Variants in DOCK4 observed in about 807,000 individuals in gnomAD.
The protein encoded by DOCK4 is dedicator of cytokinesis protein 4.
In DOCK4, 97 loss-of-function variants were observed where a neutral mutation model predicts 268.1. That is an observed-to-expected ratio of 0.36 (90% CI 0.31 to 0.43). The LOEUF (loss-of-function observed/expected upper bound fraction) is 0.43. Ranked by LOEUF, DOCK4 falls within the 20% of genes least tolerant of loss-of-function variation. The pLI, the probability that DOCK4 is intolerant of heterozygous loss-of-function variation, is 1.00. For synonymous variants in DOCK4, 954 were observed against 887.2 expected, an observed-to-expected ratio of 1.08 and a Z score of -1.34; for missense variants, 2,145 against 2,455.7, an observed-to-expected ratio of 0.87 and a Z score of 2.67.
At chr7:112,051,974 C>T (rs1040185941) in intron 1 of DOCK4, among the ~76,000 whole-genome samples, 1 of 151,924 alleles carries the variant, frequency 6.6e-6, no homozygotes, top group South Asian at 2.1e-4. Context: ...GGATTGGTTC[C>T]AGGACCTTCT....
chr7:111,950,355 T>C (rs556543549), intron 8 of DOCK4, among the ~76,000 whole-genome samples: 1 of 152,358 alleles, frequency 6.6e-6, no homozygotes, highest in Non-Finnish European at 1.5e-5. Context: ...GTGGTAAGTA[T>C]GATCAGATGA....
intron 1 of DOCK4, among the ~76,000 whole-genome samples, chr7:112,070,887 G>A (rs939640118): frequency 2.0e-5 from 3 of 152,186 alleles, no homozygotes; most frequent in African/African-American, 7.2e-5. Flanking sequence ...ATCAGCTGGT[G>A]TCGTGTACAT....
At chr7:111,766,966 A>C (rs1585920424) in intron 38 of DOCK4, 66 bp downstream of exon 38, 1 of 1,266,626 alleles carries the variant, frequency 7.9e-7, no homozygotes, top group South Asian at 1.3e-5. Flanking sequence ...ATTTCATAGA[A>C]CCACACTGGA....
At chr7:112,111,273 TGA>T (rs1261994909) in intron 1 of DOCK4, among the ~76,000 whole-genome samples, 1 of 152,110 alleles carries the variant, frequency 6.6e-6, no homozygotes, top group East Asian at 1.9e-4. Flanking sequence ...CCTTGAGGTC[TGA>T]GAGGTAGGTA....
chr7:111,739,776 G>C (rs1795772594), intron 47 of DOCK4: 19 of 402,124 alleles, frequency 4.7e-5, no homozygotes, highest in South Asian at 4.1e-4. Flanking sequence ...TTCCAGCCTA[G>C]GGCCCAAAAA....
intron 8 of DOCK4, among the ~76,000 whole-genome samples, chr7:111,962,642 TA>T (rs151251492): frequency 0.12 from 18,497 of 151,822 alleles, 1,182 homozygotes; most frequent in Middle Eastern, 0.18. Context: ...TTTCCATATT[TA>T]AAAAAATCTT....
At chr7:111,936,618 C>T (rs1794765846) in intron 11 of DOCK4, among the ~76,000 whole-genome samples, 1 of 152,042 alleles carries the variant, frequency 6.6e-6, no homozygotes, top group Non-Finnish European at 1.5e-5. Context: ...CACTACTCTC[C>T]CAGATTGGCT....
intron 12 of DOCK4, among the ~76,000 whole-genome samples, chr7:111,928,941 AG>A (rs1381535157): frequency 6.6e-6 from 1 of 152,130 alleles, no homozygotes; most frequent in Non-Finnish European, 1.5e-5. Flanking sequence ...AATCTGAACA[AG>A]GTTTGCAGAT....
intron 52 of DOCK4, 74 bp from the exon 53 acceptor site, chr7:111,728,794 C>A: frequency 7.0e-7 from 1 of 1,426,020 alleles, no homozygotes; most frequent in South Asian, 1.4e-5. Flanking sequence ...AAATGTACGC[C>A]CCGACGCGGA....
intron 1 of DOCK4, among the ~76,000 whole-genome samples, chr7:112,015,836 G>C (rs958715837): frequency 3.3e-5 from 5 of 152,168 alleles, no homozygotes; most frequent in Admixed American, 2.0e-4. Flanking sequence ...ATTGTGCTAA[G>C]AGCCTTTCTG....
chr7:111,786,960 A>T (rs1200413229), intron 32 of DOCK4, among the ~76,000 whole-genome samples: 1 of 152,200 alleles, frequency 6.6e-6, no homozygotes, highest in Non-Finnish European at 1.5e-5. Flanking sequence ...ATTTCTAGTA[A>T]TATCCTAAAA....
chr7:111,926,397 C>T (rs559824102), intron 12 of DOCK4, among the ~76,000 whole-genome samples: 63 of 140,206 alleles, frequency 4.5e-4, no homozygotes, highest in South Asian at 1.6e-3. Flanking sequence ...CGCCACTGCA[C>T]TCCAGCCTGG....
chr7:112,196,348 C>T (rs1820438857), intron 1 of DOCK4, among the ~76,000 whole-genome samples: 1 of 152,148 alleles, frequency 6.6e-6, no homozygotes, highest in African/African-American at 2.4e-5. Flanking sequence ...GTCACCAATA[C>T]CCTGCCAGAA....
At chr7:112,194,100 G>C (rs1820212022) in intron 1 of DOCK4, among the ~76,000 whole-genome samples, 1 of 152,022 alleles carries the variant, frequency 6.6e-6, no homozygotes, top group South Asian at 2.1e-4. Flanking sequence ...TATGAATTTT[G>C]AAGGAATACA....
chr7:112,053,933 T>A (rs2135563114), intron 1 of DOCK4, among the ~76,000 whole-genome samples: 1 of 151,700 alleles, frequency 6.6e-6, no homozygotes, highest in South Asian at 2.1e-4. Context: ...GTCCAGGAGG[T>A]CTCCCCTGAG....
chr7:112,178,907 G>A (rs1008065226), intron 1 of DOCK4, among the ~76,000 whole-genome samples: 4 of 152,158 alleles, frequency 2.6e-5, no homozygotes, highest in Admixed American at 1.3e-4. Flanking sequence ...GGCTAACCAA[G>A]CCATGAGAAA....
intron 7 of DOCK4, among the ~76,000 whole-genome samples, chr7:111,983,171 TC>T (rs1798740204): frequency 6.6e-6 from 1 of 152,086 alleles, no homozygotes; most frequent in Admixed American, 6.5e-5. Context: ...AATCTGAACA[TC>T]AATTTGATGA....
At chr7:111,754,782 T>G (rs1796910940) in intron 42 of DOCK4, among the ~76,000 whole-genome samples, 1 of 152,100 alleles carries the variant, frequency 6.6e-6, no homozygotes, top group South Asian at 2.1e-4. Flanking sequence ...GGGGTCACAT[T>G]TTACAACCGG....
At chr7:111,831,678 G>C (rs910592081) in intron 26 of DOCK4, among the ~76,000 whole-genome samples, 7 of 151,840 alleles carry the variant, frequency 4.6e-5, no homozygotes, top group Admixed American at 2.0e-4. Flanking sequence ...ATAGCGACAG[G>C]GTCTTGCCAT....
Sources: gnomAD v4.1 joint callset for allele counts (sites outside exome capture counted in the v4.1 genomes callset) on GRCh38, gnomAD v4.1.1 for gene constraint, MANE v1.5 for transcripts, NCBI Gene and HGNC (gene_info 2026-07-23, HGNC 2026-07-21) for gene names.